BTRC: variants seen among roughly 807,000 people sequenced by gnomAD.
The protein encoded by BTRC is F-box/WD repeat-containing protein 1A.
Under a neutral mutation model 85.5 loss-of-function variants are expected in BTRC, and 42 were observed. The ratio of observed to expected loss-of-function variants is 0.49; its 90% confidence interval spans 0.38 to 0.64. The LOEUF (loss-of-function observed/expected upper bound fraction) is 0.64, where lower values mean the gene tolerates loss of function less well. Among genes scored for constraint, BTRC ranks in the 30% least tolerant of loss-of-function variants. BTRC has a pLI of 0.00. For synonymous variants in BTRC, 255 were observed against 263.3 expected, an observed-to-expected ratio of 0.97 and a Z score of 0.30; for missense variants, 594 against 743.5, an observed-to-expected ratio of 0.80 and a Z score of 2.34.
intron 1 of BTRC, among the ~76,000 whole-genome samples, chr10:101,425,447 G>T (rs922104742): frequency 6.6e-6 from 1 of 152,142 alleles, no homozygotes; most frequent in African/African-American, 2.4e-5. Context: ...CTGAGCTGAA[G>T]AAACTAATAT....
chr10:101,414,543 T>G, intron 1 of BTRC: 1 of 439,976 alleles, frequency 2.3e-6, no homozygotes, highest in Non-Finnish European at 4.5e-6. Context: ...TTCTACTTAT[T>G]AAAAAAAATT....
intron 3 of BTRC, among the ~76,000 whole-genome samples, chr10:101,477,658 T>C (rs1945725340): frequency 6.6e-6 from 1 of 152,056 alleles, no homozygotes; most frequent in Non-Finnish European, 1.5e-5. Context: ...TTTTCTTTCT[T>C]TTTTATTTGG....
At chr10:101,381,569 A>T (rs1279862604) in intron 1 of BTRC, among the ~76,000 whole-genome samples, 6 of 152,118 alleles carry the variant, frequency 3.9e-5, no homozygotes, top group African/African-American at 1.4e-4. Context: ...TAGGTATTTT[A>T]TAGTTTTTTG....
rs149835101 is a variant in BTRC, at chr10:101,549,464, C to T, written c.1657-1235C>T. Among the ~76,000 whole-genome samples, 414 of 151,656 alleles carry T rather than the reference C, an allele frequency of 2.7e-3. 1 individual carries two copies. Among genetic ancestry groups the T allele is most frequent in the Non-Finnish European group, 3.8e-3 (255 of 67,914 alleles). ...ATGATGATGATGACACCTGTAATCC[C>T]AGCACTTTGGGAGGCCGAGGCGGGT... On this transcript the variant is annotated intron_variant, in intron 13 of 14. Transcript: ENST00000370187.
chr10:101,520,816 G>A (rs902781640), intron 4 of BTRC, among the ~76,000 whole-genome samples: 1 of 152,122 alleles, frequency 6.6e-6, no homozygotes, highest in Admixed American at 6.6e-5. Flanking sequence ...AACTTAGCCA[G>A]GCGTGGTGGT....
At chr10:101,460,004 TATG>T (rs1259469387) in intron 2 of BTRC, among the ~76,000 whole-genome samples, 2 of 152,206 alleles carry the variant, frequency 1.3e-5, no homozygotes, top group Admixed American at 6.5e-5. Context: ...CTCCAAGTTA[TATG>T]ATAACATTTC....
intron 4 of BTRC, among the ~76,000 whole-genome samples, chr10:101,487,617 C>T (rs932140080): frequency 3.1e-4 from 47 of 152,114 alleles, no homozygotes; most frequent in African/African-American, 9.2e-4. Flanking sequence ...TGATTGGAGG[C>T]GATGGGCAAT....
chr10:101,401,156 CAG>C (rs1301546353), intron 1 of BTRC, among the ~76,000 whole-genome samples: 1 of 152,148 alleles, frequency 6.6e-6, no homozygotes, highest in African/African-American at 2.4e-5. Context: ...AATGAAGTTT[CAG>C]AATAGCCAAG....
chr10:101,454,312 G>C (rs920392232), intron 2 of BTRC, among the ~76,000 whole-genome samples: 1 of 152,234 alleles, frequency 6.6e-6, no homozygotes, highest in Non-Finnish European at 1.5e-5. Context: ...TTAAGTGCCT[G>C]TTGTGTGGAT....
chr10:101,398,278 ATG>A (rs536385944), intron 1 of BTRC, among the ~76,000 whole-genome samples: 25 of 152,016 alleles, frequency 1.6e-4, no homozygotes, highest in Non-Finnish European at 3.1e-4. Flanking sequence ...TTATCTAAAA[ATG>A]TGTGTTGAAA....
chr10:101,440,109 A>AAT (rs1944642079), intron 2 of BTRC, among the ~76,000 whole-genome samples: 3 of 152,234 alleles, frequency 2.0e-5, no homozygotes, highest in African/African-American at 7.2e-5. Flanking sequence ...TTATGCTTAT[A>AAT]TTAGTCCAGC....
chr10:101,365,046 T>C (rs1942327593), intron 1 of BTRC: 1 of 152,014 alleles, frequency 6.6e-6, no homozygotes, highest in African/African-American at 2.4e-5. Flanking sequence ...TTTAATTCTT[T>C]TTCTTTTTTT....
chr10:101,482,944 T>G (rs1276926297), intron 4 of BTRC, among the ~76,000 whole-genome samples: 3 of 152,194 alleles, frequency 2.0e-5, no homozygotes, highest in African/African-American at 7.2e-5. Context: ...TGTAATATTG[T>G]GATATCAACC....
rs201764246 is a variant in BTRC at position 101,538,389 on chromosome 10, T to C, written c.1656+18T>C. ...CCCTTGTGGTAAGAGCCTTGCTGTT[T>C]AGAGAGCATTGGAGAGCAGGTGGGG... On this transcript the variant is annotated intron_variant, in intron 13 of 14. Coordinates refer to ENST00000370187, the MANE Select transcript of BTRC (RefSeq NM_033637.4). 3.3e-5 allele frequency: 52 copies of C among 1,598,420 alleles called. No homozygotes were observed. The Middle Eastern group carries it at 1.3e-3, about 41-fold the overall frequency.
rs535656002 is a variant in BTRC, at chr10:101,387,528, C to CTTTTTTTTT, written c.48+33310_48+33318dup. On this transcript the variant is annotated intron_variant, in intron 1 of 14. Coordinates refer to ENST00000370187, the MANE Select transcript of BTRC (RefSeq NM_033637.4). ...TGTGGCTTTTTATACCTTCATGGGA[C>CTTTTTTTTT]TTTTTTTTTTTTTTTTTTGAGATAG... Among the ~76,000 whole-genome samples, 114 of 45,070 alleles carry CTTTTTTTTT rather than the reference C, an allele frequency of 2.5e-3. 34 individuals are homozygous for CTTTTTTTTT. The highest frequency in any genetic ancestry group is 6.4e-3 in the East Asian group (5 of 786). 29.6% of individuals were successfully genotyped at this position (45,070 alleles called of 152,430 possible).
intron 2 of BTRC, among the ~76,000 whole-genome samples, chr10:101,461,359 T>C (rs907715101): frequency 3.3e-5 from 5 of 152,158 alleles, no homozygotes; most frequent in Admixed American, 2.0e-4. Flanking sequence ...ATGAACTCAT[T>C]TTCAGTTGGA....
At chr10:101,498,626 A>G (rs965448915) in intron 4 of BTRC, among the ~76,000 whole-genome samples, 1 of 152,198 alleles carries the variant, frequency 6.6e-6, no homozygotes, top group Non-Finnish European at 1.5e-5. Context: ...TATTAAAACT[A>G]CAGTTTTAAA....
intron 1 of BTRC, among the ~76,000 whole-genome samples, chr10:101,414,006 A>T (rs1265950621): frequency 6.6e-6 from 1 of 152,176 alleles, no homozygotes; most frequent in Non-Finnish European, 1.5e-5. Context: ...TGACCATCTT[A>T]ACCATTTTTA....
Position 101,374,257 on chromosome 10 carries a change from G to T in BTRC, c.48+20029G>T, listed in dbSNP as rs534385366. 5.9e-5 allele frequency among the ~76,000 whole-genome samples: 9 copies of T among 151,968 alleles called. No homozygotes were observed. The South Asian group carries it at 1.9e-3, about 32-fold the overall frequency. On this transcript the variant is annotated intron_variant, in intron 1 of 14. Coordinates refer to ENST00000370187, the MANE Select transcript of BTRC (RefSeq NM_033637.4). ...CTGACTTTTTAATGATTGCCATTCT[G>T]ACTGGTGTGAGATGGTATCTCATAG...
Sources: gnomAD v4.1 joint callset for allele counts (sites outside exome capture counted in the v4.1 genomes callset) on GRCh38, gnomAD v4.1.1 for gene constraint, MANE v1.5 for transcripts, NCBI Gene and HGNC (gene_info 2026-07-23, HGNC 2026-07-21) for gene names.